Variants in INPP5D observed in about 807,000 individuals in gnomAD.
INPP5D encodes inositol polyphosphate-5-phosphatase D.
INPP5D carries 33 observed loss-of-function variants against 122.9 expected under a neutral mutation model. The ratio of observed to expected loss-of-function variants is 0.27; its 90% confidence interval spans 0.20 to 0.36. INPP5D has a LOEUF of 0.36. INPP5D is among the 10% of genes least tolerant of loss of function. The probability of loss-of-function intolerance (pLI) is 1.00; values close to 1 mark genes in which losing one functional copy is unlikely to be tolerated. For missense variants in INPP5D, 1,053 were observed against 1,412.7 expected, an observed-to-expected ratio of 0.75 and a Z score of 4.08; for synonymous variants, 584 against 576.2, an observed-to-expected ratio of 1.01 and a Z score of -0.19.
chr2:233,064,229 C>A (rs1691150252), intron 1 of INPP5D, among the ~76,000 whole-genome samples: 1 of 152,266 alleles, frequency 6.6e-6, no homozygotes, highest in African/African-American at 2.4e-5. Context: ...CCCAGCCAAC[C>A]ACTCCAGAGA....
rs538880077 is a variant in INPP5D at position 233,079,409 on chromosome 2, T to A, written c.198+11T>A. On this transcript the variant is annotated intron_variant, in intron 2 of 26. Transcript: ENST00000445964. Reference sequence around the variant, plus strand: ...AAATTCACTGTTCAGGTGAGTCCTTTATAAACCTAGAAATCTGAACCTGAC... The same window carrying A: ...AAATTCACTGTTCAGGTGAGTCCTTAATAAACCTAGAAATCTGAACCTGAC... 1.3e-6 allele frequency: 2 copies of A among 1,549,082 alleles called. No homozygotes were observed. The highest frequency in any genetic ancestry group is 2.7e-5 in the African/African-American group (2 of 73,658).
At position 233,204,321 on chromosome 2, in the gene INPP5D, G is replaced by A. The variant is rs1273278293; in HGVS notation, c.3171G>A (p.Ser1057=). 3.1e-6 allele frequency: 5 copies of A among 1,611,670 alleles called. No homozygotes were observed. The South Asian group carries it at 3.3e-5, about 11-fold the overall frequency. The change falls in exon 26 of 27, where the codon TCG becomes TCA. Residue 1057 remains serine, a synonymous_variant. Coordinates refer to ENST00000445964, the MANE Select transcript of INPP5D (RefSeq NM_001017915.3). The part of the protein sequence containing the change: ...PPPCPEPGIL[S]PSIVLTKAQE... ...CCTGCCCGGAACCCGGCATCTTGTC[G>A]CCCAGCATCGTGCTCACCAAAGCCC...
At position 233,125,843 on chromosome 2, in the gene INPP5D, C is replaced by A; in HGVS notation, c.448C>A (p.Pro150Thr). ...GGAGGTTCCTTTTTCAAACGAGAAT[C>A]CCCGAGCGACCGAGACCAGCCGGCC... ...AKEVPFSNEN[P>T]RATETSRPSL... The change falls in exon 4 of 27, where the codon CCC (proline) becomes ACC (threonine). Residue 150 changes from proline (P) to threonine (T), a missense_variant. Physicochemically the swap from Pro to Thr is conservative, Grantham distance 38. Around this residue, in one of 6 missense-constraint regions of INPP5D, gnomAD observed 196 missense variants for 175.6 expected, o/e 1.12. Coordinates refer to ENST00000445964, the MANE Select transcript of INPP5D (RefSeq NM_001017915.3). 1 of 1,613,864 alleles carries A rather than the reference C, an allele frequency of 6.2e-7. No individual in the cohort carries two copies. The highest frequency in any genetic ancestry group is 1.1e-5 in the South Asian group (1 of 91,048).
intron 2 of INPP5D, among the ~76,000 whole-genome samples, chr2:233,117,557 C>T (rs1692837924): frequency 6.6e-6 from 1 of 152,146 alleles, no homozygotes; most frequent in Admixed American, 6.6e-5. Context: ...TGGGCGGCCC[C>T]CTCTGGGTTC....
chr2:233,184,656 G>C, intron 20 of INPP5D, 135 bp downstream of exon 20: 1 of 1,296,760 alleles, frequency 7.7e-7, no homozygotes. Context: ...AAGTGGGGCT[G>C]CAGGTGGATG....
In INPP5D at chr2:233,204,186, G is replaced by A. The variant is rs762199661; in HGVS notation, c.3036G>A (p.Thr1012=). 37 of 1,609,312 alleles carry A rather than the reference G, an allele frequency of 2.3e-5. No individual in the cohort carries two copies. The highest frequency in any genetic ancestry group is 7.7e-5 in the South Asian group (7 of 90,354). ...DTLPQEDLPL[T]KPEMFENPLY... is the part of the protein sequence containing the mutation. ...TGCCTCAGGAGGACCTGCCGCTGAC[G>A]AAGCCCGAGATGTTTGAGAACCCCC... is the stretch of plus-strand genomic sequence containing the variant. Residue 1012 remains threonine (T), a synonymous_variant, in exon 26 of 27, where the codon ACG becomes ACA. Coordinates refer to ENST00000445964, the MANE Select transcript of INPP5D (RefSeq NM_001017915.3).
chr2:233,094,098 C>T (rs1344874055), intron 2 of INPP5D, among the ~76,000 whole-genome samples: 1 of 151,810 alleles, frequency 6.6e-6, no homozygotes, highest in African/African-American at 2.4e-5. Context: ...CACCCCCTCC[C>T]CCCCCAAAAA....
intron 20 of INPP5D, 50 bp downstream of exon 20, chr2:233,184,571 TATAAAC>T (rs1371284057): frequency 6.2e-7 from 1 of 1,603,866 alleles, no homozygotes; most frequent in Non-Finnish European, 8.5e-7. Context: ...GGAGCCTTCT[TATAAAC>T]ACCTTTCATA....
At chr2:233,156,050 A>G (rs1040203262) in intron 9 of INPP5D, among the ~76,000 whole-genome samples, 1 of 152,266 alleles carries the variant, frequency 6.6e-6, no homozygotes, top group Non-Finnish European at 1.5e-5. Flanking sequence ...GGGAAAAGAC[A>G]CATGCATAGG....
intron 5 of INPP5D, among the ~76,000 whole-genome samples, chr2:233,136,567 AT>A (rs1693471552): frequency 6.6e-6 from 1 of 152,192 alleles, no homozygotes; most frequent in African/African-American, 2.4e-5. Flanking sequence ...TCATGTCCTA[AT>A]CCCCTTGATG....
intron 20 of INPP5D, 94 bp from the exon 21 acceptor site, chr2:233,185,749 A>G: frequency 8.2e-7 from 1 of 1,225,234 alleles, no homozygotes; most frequent in Non-Finnish European, 1.0e-6. Flanking sequence ...GAGAGAGCAC[A>G]TCTTCCTAGG....
At chr2:233,153,339 C>T (rs752838773) in intron 9 of INPP5D, among the ~76,000 whole-genome samples, 8 of 152,122 alleles carry the variant, frequency 5.3e-5, no homozygotes, top group Non-Finnish European at 1.0e-4. Context: ...GAGGTGCAGA[C>T]GAGGCTGATG....
Position 233,084,337 on chromosome 2 carries a change from G to C in INPP5D, c.198+4939G>C, listed in dbSNP as rs113586165. ...CCCAAAGTGTTGGGATTACAGGCGT[G>C]AGCCACCATGCCCAGCCACACTCCC... On this transcript the variant is annotated intron_variant, in intron 2 of 26. Coordinates refer to ENST00000445964, the MANE Select transcript of INPP5D (RefSeq NM_001017915.3). Among the ~76,000 whole-genome samples the C allele has an allele frequency of 3.0e-3, 458 of 152,360 alleles. 2 individuals are homozygous for C. Among genetic ancestry groups the C allele is most frequent in the African/African-American group, 0.011 (440 of 41,586 alleles).
chr2:233,161,846 C>G lies in INPP5D; in HGVS notation c.1240+20C>G, dbSNP rs753029961. 6.2e-7 allele frequency: 1 copy of G among 1,605,208 alleles called. No individual in the cohort carries two copies. The highest frequency in any genetic ancestry group is 8.5e-7 in the Non-Finnish European group (1 of 1,175,504). ...ACATGGGTGGGTCCGCGCGCCCCCTCCCTGCAGTCACCCCCTCTGCTTCTG... is the reference window on the plus strand; with the variant it reads ...ACATGGGTGGGTCCGCGCGCCCCCTGCCTGCAGTCACCCCCTCTGCTTCTG... On this transcript the variant is annotated intron_variant, in intron 11 of 26. Coordinates refer to ENST00000445964, the MANE Select transcript of INPP5D (RefSeq NM_001017915.3).
At position 233,078,004 on chromosome 2, in the gene INPP5D, C is replaced by T. The variant is rs1351270006; in HGVS notation, c.135-1331C>T. On this transcript the variant is annotated intron_variant, in intron 1 of 26. Coordinates refer to ENST00000445964, the MANE Select transcript of INPP5D (RefSeq NM_001017915.3). The surrounding 1 kb of genome is among the most constrained non-coding windows in gnomAD (Gnocchi z 4.6). ...TCATTACAGAGGCTGGTCCTGTCTA[C>T]AGGGCTCTACGGGCCAGGTGAGCCT... Among the ~76,000 whole-genome samples, 1 of 152,192 alleles carries T rather than the reference C, an allele frequency of 6.6e-6. No individual in the cohort carries two copies. The highest frequency in any genetic ancestry group is 2.4e-5 in the African/African-American group (1 of 41,448).
chr2:233,165,565 T>A (rs576941927), intron 13 of INPP5D, among the ~76,000 whole-genome samples: 1 of 151,600 alleles, frequency 6.6e-6, no homozygotes, highest in African/African-American at 2.4e-5. Context: ...TATGTGTGTG[T>A]GTCCATGCAT....
At chr2:233,148,622 C>G (rs941443163) in intron 9 of INPP5D, among the ~76,000 whole-genome samples, 1 of 152,168 alleles carries the variant, frequency 6.6e-6, no homozygotes, top group Non-Finnish European at 1.5e-5. Context: ...CAGCAGCAGA[C>G]AGGACCAGAG....
intron 2 of INPP5D, among the ~76,000 whole-genome samples, chr2:233,108,672 C>A (rs1267314067): frequency 1.3e-5 from 2 of 152,202 alleles, no homozygotes; most frequent in Non-Finnish European, 2.9e-5. Context: ...GCCTGACTAC[C>A]AGAAATTTGC....
At chr2:233,149,543 C>T (rs1693869055) in intron 9 of INPP5D, among the ~76,000 whole-genome samples, 1 of 152,264 alleles carries the variant, frequency 6.6e-6, no homozygotes, top group East Asian at 1.9e-4. Context: ...GAGGGCTCCT[C>T]TCATATGAGG....
Sources: allele counts gnomAD v4.1 joint callset (sites outside exome capture counted in the v4.1 genomes callset), GRCh38; gene constraint gnomAD v4.1.1; regional missense constraint gnomAD v4.1.1; non-coding constraint Gnocchi (gnomAD v3.1); transcripts MANE v1.5; gene names NCBI Gene and HGNC (gene_info 2026-07-23, HGNC 2026-07-21).